Variants in CMSS1 observed in about 807,000 individuals in gnomAD.
CMSS1 encodes the protein cms1 ribosomal small subunit homolog, also known as protein CMSS1.
A neutral mutation model predicts 43.5 loss-of-function variants in CMSS1; 33 were observed. The observed-to-expected ratio is 0.76, with a 90% CI of 0.57 to 1.01. The LOEUF is 1.01. CMSS1 is among the 50% of genes least tolerant of loss of function. The pLI is 0.00. For synonymous variants in CMSS1, 115 were observed against 117.2 expected (o/e 0.98, Z 0.12); for missense variants, 313 against 326.4 (o/e 0.96, Z 0.32).
intron 1 of CMSS1, among the ~76,000 whole-genome samples, chr3:99,967,569 C>T (rs1311606892): frequency 6.6e-6 from 1 of 152,162 alleles, no homozygotes; most frequent in East Asian, 1.9e-4. Context: ...AGTCCCTACA[C>T]CTGGATGGGA....
chr3:99,876,418 TGTCGGGCTAACAAA>T (rs2107595700), intron 1 of CMSS1, among the ~76,000 whole-genome samples: 1 of 152,210 alleles, frequency 6.6e-6, no homozygotes, highest in South Asian at 2.1e-4. Flanking sequence ...GGCGCCCTCC[TGTCGGGCTAACAAA>T]GTCATTGGGA....
At chr3:99,834,499 C>T (rs1321706722) in intron 1 of CMSS1, among the ~76,000 whole-genome samples, 1 of 152,170 alleles carries the variant, frequency 6.6e-6, no homozygotes, top group African/African-American at 2.4e-5. Context: ...CAAAATCGCT[C>T]CAAACCCAGT....
chr3:100,104,479 A>C (rs987137486), intron 1 of CMSS1, among the ~76,000 whole-genome samples: 8 of 152,198 alleles, frequency 5.3e-5, no homozygotes, highest in African/African-American at 1.9e-4. Context: ...TAAACTTTTA[A>C]ATAAAACTGT....
intron 1 of CMSS1, among the ~76,000 whole-genome samples, chr3:100,036,368 A>G (rs1396397123): frequency 6.6e-6 from 1 of 152,210 alleles, no homozygotes; most frequent in Non-Finnish European, 1.5e-5. Context: ...GAAGTCTCAA[A>G]AAATGATGAG....
chr3:100,139,946 C>T (rs2066791867), intron 1 of CMSS1, among the ~76,000 whole-genome samples: 1 of 152,078 alleles, frequency 6.6e-6, no homozygotes, highest in Non-Finnish European at 1.5e-5. Flanking sequence ...TCATATTACT[C>T]TGCAAACCCA....
At chr3:99,965,030 T>A in intron 1 of CMSS1, among the ~76,000 whole-genome samples, 1 of 152,330 alleles carries the variant, frequency 6.6e-6, no homozygotes, top group South Asian at 2.1e-4. Flanking sequence ...GCTGTATCTG[T>A]AAATAAATTA....
At chr3:99,883,918 T>C (rs1705811858) in intron 1 of CMSS1, among the ~76,000 whole-genome samples, 1 of 152,186 alleles carries the variant, frequency 6.6e-6, no homozygotes, top group Admixed American at 6.5e-5. Flanking sequence ...GCATACTGAC[T>C]CCAGCAACTT....
At chr3:99,973,006 G>C (rs761211468) in intron 1 of CMSS1, among the ~76,000 whole-genome samples, 2 of 152,066 alleles carry the variant, frequency 1.3e-5, no homozygotes, top group African/African-American at 4.8e-5. Flanking sequence ...AGAGAATTTG[G>C]GACAGAAACC....
intron 1 of CMSS1, among the ~76,000 whole-genome samples, chr3:100,059,696 G>A (rs1023944919): frequency 1.3e-5 from 2 of 152,170 alleles, no homozygotes. Context: ...GCCTGAAGAA[G>A]TCAGTCATTA....
chr3:99,927,041 A>G (rs1707315099), intron 1 of CMSS1, among the ~76,000 whole-genome samples: 2 of 152,088 alleles, frequency 1.3e-5, no homozygotes, highest in African/African-American at 4.8e-5. Flanking sequence ...CCTTGGCCCC[A>G]TCTTCACTCC....
At position 100,094,674 on chromosome 3, in the gene CMSS1, C is replaced by CT. The variant is rs71132509; in HGVS notation, c.65-52270dup. Among the ~76,000 whole-genome samples, 343 of 57,004 alleles carry CT rather than the reference C, an allele frequency of 6.0e-3. 81 individuals are homozygous for CT. The highest frequency in any genetic ancestry group is 0.015 in the Admixed American group (57 of 3,718). 37.4% of individuals were successfully genotyped at this position (57,004 alleles called of 152,430 possible). On this transcript the variant is annotated intron_variant, in intron 1 of 9. Transcript: ENST00000421999. ...CAGCACCATTTGTTGGAAAAGCTGCCTTTTTTTTTTTTTTTTTTTTTTTTT... is the reference window on the plus strand; with the variant it reads ...CAGCACCATTTGTTGGAAAAGCTGCCTTTTTTTTTTTTTTTTTTTTTTTTTT...
intron 1 of CMSS1, among the ~76,000 whole-genome samples, chr3:100,042,056 C>A (rs1389440587): frequency 6.6e-6 from 1 of 152,038 alleles, no homozygotes; most frequent in Non-Finnish European, 1.5e-5. Flanking sequence ...CTTTATTTTG[C>A]CATAAGCTCT....
chr3:100,116,430 CT>C (rs2066570256), intron 1 of CMSS1, among the ~76,000 whole-genome samples: 1 of 152,072 alleles, frequency 6.6e-6, no homozygotes, highest in Non-Finnish European at 1.5e-5. Flanking sequence ...TTTCTGAGTA[CT>C]TTCTTACCTT....
intron 1 of CMSS1, among the ~76,000 whole-genome samples, chr3:99,878,997 C>T (rs1207905685): frequency 2.0e-5 from 3 of 152,202 alleles, no homozygotes; most frequent in Non-Finnish European, 4.4e-5. Context: ...CACTGTGCCT[C>T]AAAATTGGAT....
At chr3:100,164,439 G>A (rs1205730482) in intron 4 of CMSS1, among the ~76,000 whole-genome samples, 2 of 152,184 alleles carry the variant, frequency 1.3e-5, no homozygotes, top group Non-Finnish European at 2.9e-5. Flanking sequence ...AGTCATTTGA[G>A]TTCCATAGTG....
At chr3:99,839,279 C>T (rs967847458) in intron 1 of CMSS1, among the ~76,000 whole-genome samples, 14 of 152,210 alleles carry the variant, frequency 9.2e-5, no homozygotes, top group Admixed American at 3.9e-4. Context: ...TTAACTCCCA[C>T]CTTTTATTCC....
At chr3:100,165,538 C>G (rs1309462955) in intron 4 of CMSS1, among the ~76,000 whole-genome samples, 1 of 152,062 alleles carries the variant, frequency 6.6e-6, no homozygotes, top group Non-Finnish European at 1.5e-5. Context: ...TCTTTCTTCA[C>G]TTGACACTTT....
chr3:99,902,624 A>G (rs1706473528), intron 1 of CMSS1, among the ~76,000 whole-genome samples: 1 of 152,362 alleles, frequency 6.6e-6, no homozygotes, highest in Non-Finnish European at 1.5e-5. Flanking sequence ...CATTGTTACC[A>G]GTAGACACTG....
chr3:99,933,584 T>C (rs911240893), intron 1 of CMSS1, among the ~76,000 whole-genome samples: 2 of 152,206 alleles, frequency 1.3e-5, no homozygotes, highest in African/African-American at 4.8e-5. Flanking sequence ...CCCACCCCTA[T>C]TGTATTTTCT....
Sources: gnomAD v4.1 joint callset for allele counts (sites outside exome capture counted in the v4.1 genomes callset) on GRCh38, gnomAD v4.1.1 for gene constraint, MANE v1.5 for transcripts, NCBI Gene and HGNC (gene_info 2026-07-23, HGNC 2026-07-21) for gene names.